The following EIF3B variants were observed in gnomAD, a reference collection of about 807,000 sequenced individuals.
The protein encoded by EIF3B is eukaryotic translation initiation factor 3 subunit B.
In EIF3B, 10 loss-of-function variants were observed where a neutral mutation model predicts 104.6. The ratio of observed to expected loss-of-function variants is 0.10; its 90% CI spans 0.06 to 0.16. The LOEUF is 0.16. Ranked by LOEUF, EIF3B falls within the 10% of genes least tolerant of loss-of-function variation. The pLI, the probability that EIF3B is intolerant of heterozygous loss-of-function variation, is 1.00. For synonymous variants in EIF3B, 542 were observed against 417.2 expected (o/e 1.30, Z -3.65); for missense variants, 1,014 against 1,087.9 (o/e 0.93, Z 0.96).
intron 9 of EIF3B, among the ~76,000 whole-genome samples, chr7:2,369,050 T>A (rs144653711): frequency 5.3e-5 from 8 of 152,346 alleles, no homozygotes; most frequent in Admixed American, 3.9e-4. Context: ...TTCTTGCTCA[T>A]TCCTTACACT....
intron 2 of EIF3B, 28 bp downstream of exon 2, chr7:2,360,930 C>A (rs537953065): frequency 1.9e-6 from 3 of 1,562,294 alleles, no homozygotes; most frequent in Non-Finnish European, 2.6e-6. Context: ...GGAGAAGTAT[C>A]ATCTGTGTCT....
In EIF3B at chr7:2,371,839, C is replaced by A; in HGVS notation, c.1677C>A (p.Val559=). Reference sequence around the variant, plus strand: ...AGAAACAGGTACCTGTGGATGTGGTCGAGATGAAAGGCAAGTTGTATTTTA... The same window carrying A: ...AGAAACAGGTACCTGTGGATGTGGTAGAGATGAAAGGCAAGTTGTATTTTA... ...MREKQVPVDV[V]EMKETIIAFA... The change falls in exon 11 of 19, where the codon GTC becomes GTA. Residue 559 remains valine, a synonymous_variant. Transcript: ENST00000360876. 2 of 1,613,444 alleles carry A rather than the reference C, an allele frequency of 1.2e-6. No individual in the cohort carries two copies. The highest frequency in any genetic ancestry group is 2.2e-5 in the South Asian group (2 of 91,008).
chr7:2,377,678 G>A (rs1780724745), intron 15 of EIF3B: 1 of 103,906 alleles, frequency 9.6e-6, no homozygotes, highest in African/African-American at 7.6e-5. Context: ...GAGCAGGCGC[G>A]AGCGCTCCTG....
chr7:2,354,782 G>A (rs1390319967), upstream of EIF3B: 10 of 825,830 alleles, frequency 1.2e-5, no homozygotes, highest in Non-Finnish European at 1.5e-5. Context: ...GCGTGGGTGC[G>A]CCCCCCGCCC....
chr7:2,364,737 G>A (rs1779911678), intron 6 of EIF3B, among the ~76,000 whole-genome samples: 1 of 152,186 alleles, frequency 6.6e-6, no homozygotes, highest in Non-Finnish European at 1.5e-5. Context: ...TGAGCCATTT[G>A]GGAGTGAGTT....
At chr7:2,374,300 T>C in intron 12 of EIF3B, 3 of 451,130 alleles carry the variant, frequency 6.6e-6, no homozygotes, top group Middle Eastern at 6.1e-4. Flanking sequence ...AAGATAGTAT[T>C]GTTTTGAAAT....
chr7:2,363,763 G>A lies in EIF3B; in HGVS notation c.999+3G>A, dbSNP rs1195645276. On this transcript the variant is annotated splice_donor_region_variant and intron_variant, in intron 5 of 18. Transcript: ENST00000360876. ...CTGTCTCAATTGAAGAAAGAGCGGTGTGTATTTGCTGCTGCTGGGGGCGGG... is the reference window on the plus strand; with the variant it reads ...CTGTCTCAATTGAAGAAAGAGCGGTATGTATTTGCTGCTGCTGGGGGCGGG... The A allele has an allele frequency of 1.9e-6, 3 of 1,612,592 alleles. No individual in the cohort carries two copies. In the Admixed American group the frequency reaches 5.0e-5, roughly 27 times the overall value.
rs1562470993 is a variant in EIF3B, at chr7:2,355,109, A to AGCCCGAG, written c.189_190insCCCGAGG (p.Ser64ProfsTer37). ...GTGGGGATCGCGGAGGCCGGGCCGG[A>AGCCCGAG]GTCCGAGGTGAGGACCGAGCCGGCG... On this transcript the variant is annotated frameshift_variant, in exon 1 of 19. Coordinates refer to ENST00000360876, the MANE Select transcript of EIF3B (RefSeq NM_001037283.2). LOFTEE classifies it high-confidence loss of function. 77 of 1,363,972 alleles carry AGCCCGAG rather than the reference A, an allele frequency of 5.6e-5. No homozygotes were observed. The highest frequency in any genetic ancestry group is 6.8e-5 in the Non-Finnish European group (72 of 1,064,848). The allele number at this position is 1,363,972 out of a possible 1,614,324, so 84.5% of individuals were successfully genotyped here. A position where few individuals can be genotyped will look rare whatever the true frequency, so the allele number is the denominator to read the frequency against.
chr7:2,368,851 T>G (rs1780167620), intron 9 of EIF3B, among the ~76,000 whole-genome samples: 1 of 152,254 alleles, frequency 6.6e-6, no homozygotes, highest in Non-Finnish European at 1.5e-5. Flanking sequence ...TGACGTTTCT[T>G]CTTTCGTTTT....
At position 2,362,706 on chromosome 7, in the gene EIF3B, G is replaced by A. The variant is rs200489277; in HGVS notation, c.754G>A (p.Gly252Ser). 8.1e-6 allele frequency: 13 copies of A among 1,614,258 alleles called. No individual in the cohort carries two copies. The Admixed American group carries it at 1.2e-4, about 14-fold the overall frequency. Residue 252 changes from glycine (G) to serine (S), a missense_variant, in exon 3 of 19, where the codon GGC (glycine) becomes AGC (serine). By Grantham distance (56) the Gly-to-Ser change is moderately conservative. Transcript: ENST00000360876. The stretch of plus-strand genomic sequence containing the variant: ...TGTGGATGCTGTGAAGAACGCCGAC[G>A]GCTACAAGCTTGACAAGCAGCACAC... ...HAVDAVKNAD[G>S]YKLDKQHTFR...
rs534038897 is a variant in EIF3B, at chr7:2,355,781, T to A, written c.499+361T>A. Among the ~76,000 whole-genome samples the A allele has an allele frequency of 5.9e-5, 9 of 152,124 alleles. No homozygotes were observed. In the South Asian group the frequency reaches 1.9e-3, roughly 32 times the overall value. On this transcript the variant is annotated intron_variant, in intron 1 of 18. Coordinates refer to ENST00000360876, the MANE Select transcript of EIF3B (RefSeq NM_001037283.2). ...GGTACGGCAAAAACCGAAGACCCGG[T>A]GGCAGGTTTGCGGGTCTACGTGTCC...
Position 2,371,934 on chromosome 7 carries a change from G to C in EIF3B, c.1687+85G>C, listed in dbSNP as rs537504345. On this transcript the variant is annotated intron_variant, in intron 11 of 18. Coordinates refer to ENST00000360876, the MANE Select transcript of EIF3B (RefSeq NM_001037283.2). ...CTTTAACACTTCCATGCGAGGGGTTGTCTGAGCAGCTGAGTCAGGACTGTG... is the reference window on the plus strand; with the variant it reads ...CTTTAACACTTCCATGCGAGGGGTTCTCTGAGCAGCTGAGTCAGGACTGTG... 3.7e-5 allele frequency: 41 copies of C among 1,105,250 alleles called. No homozygotes were observed. The African/African-American group carries it at 4.9e-4, about 13-fold the overall frequency. The allele number at this position is 1,105,250 out of a possible 1,614,324, so 68.5% of individuals were successfully genotyped here.
At chr7:2,363,608 A>G (rs781779213) in intron 4 of EIF3B, 24 bp from the exon 5 acceptor site, 10 of 1,586,466 alleles carry the variant, frequency 6.3e-6, no homozygotes, top group South Asian at 5.8e-5. Context: ...ATGAAATGTT[A>G]TATTCCTTGT....
rs576256095 is a variant in EIF3B at position 2,366,257 on chromosome 7, G to A, written c.1158-60G>A. 5.9e-6 allele frequency: 9 copies of A among 1,514,310 alleles called. No homozygotes were observed. The African/African-American group carries it at 1.1e-4, about 19-fold the overall frequency. The allele number at this position is 1,514,310 out of a possible 1,614,324, so 93.8% of individuals were successfully genotyped here. On this transcript the variant is annotated intron_variant, in intron 6 of 18. Transcript: ENST00000360876. ...TCTGACGGCGTGTTCTGGCCGCACAGACAGACTGTGATCCTCTCGTGAGAG... is the reference window on the plus strand; with the variant it reads ...TCTGACGGCGTGTTCTGGCCGCACAAACAGACTGTGATCCTCTCGTGAGAG...
chr7:2,364,708 C>G (rs1437294695), intron 6 of EIF3B, among the ~76,000 whole-genome samples, 179 bp downstream of exon 6: 1 of 152,168 alleles, frequency 6.6e-6, no homozygotes, highest in Non-Finnish European at 1.5e-5. Flanking sequence ...TCATCATCTC[C>G]TATACAGATA....
In EIF3B at chr7:2,369,696, C is replaced by A. The variant is rs1780214386; in HGVS notation, c.1614+14C>A. The A allele has an allele frequency of 1.2e-6, 2 of 1,611,672 alleles. No homozygotes were observed. The highest frequency in any genetic ancestry group is 1.7e-6 in the Non-Finnish European group (2 of 1,178,698). On this transcript the variant is annotated intron_variant, in intron 10 of 18. Transcript: ENST00000360876. ...AAAGGCACCCAGGTATGTAGATTCCCACAGGAACTGACGATTCCTTATCCT... is the reference window on the plus strand; with the variant it reads ...AAAGGCACCCAGGTATGTAGATTCCAACAGGAACTGACGATTCCTTATCCT...
chr7:2,354,936 G>T lies in EIF3B; in HGVS notation c.15G>T (p.Glu5Asp). MQDA[E>D]NVAVPEAAEE... The stretch of plus-strand genomic sequence containing the variant: ...GCGTTGGGCCCATGCAGGACGCGGA[G>T]AACGTGGCGGTGCCCGAGGCGGCCG... Residue 5 changes from glutamate (E) to aspartate (D), a missense_variant, in exon 1 of 19, where the codon GAG becomes GAT. Physicochemically the swap from Glu to Asp is conservative, Grantham distance 45. Around this residue, in one of 4 missense-constraint regions of EIF3B, gnomAD observed 488 missense variants for 404.3 expected, o/e 1.21. Transcript: ENST00000360876. The T allele has an allele frequency of 8.1e-7, 1 of 1,229,636 alleles. No homozygotes were observed. Among genetic ancestry groups the T allele is most frequent in the South Asian group, 2.2e-5 (1 of 46,088 alleles). 76.2% of individuals were successfully genotyped at this position (1,229,636 alleles called of 1,614,324 possible). A position where few individuals can be genotyped will look rare whatever the true frequency, so the allele number is the denominator to read the frequency against.
chr7:2,367,091 TAACACAATACCAAAAAAAAAAAAAAA>T (rs1780062960), intron 9 of EIF3B, 46 bp downstream of exon 9: 8 of 1,356,966 alleles, frequency 5.9e-6, no homozygotes, highest in African/African-American at 5.1e-5. Flanking sequence ...TCAGGCTGCT[TAACACAATACCAAAAAAAAAAAAAAA>T]AACACAATAC....
In EIF3B at chr7:2,366,028, A is replaced by G. The variant is rs374005701; in HGVS notation, c.1158-289A>G. Among the ~76,000 whole-genome samples the G allele has an allele frequency of 1.6e-4, 25 of 152,248 alleles. 1 individual carries two copies. The highest frequency in any genetic ancestry group is 5.8e-4 in the African/African-American group (24 of 41,530). ...TAGTCTTTATTAAACATGGGTAAAG[A>G]TAGAGTTCCACACTGCGCCACCCTC... On this transcript the variant is annotated intron_variant, in intron 6 of 18. Coordinates refer to ENST00000360876, the MANE Select transcript of EIF3B (RefSeq NM_001037283.2).
Sources: allele counts gnomAD v4.1 joint callset (sites outside exome capture counted in the v4.1 genomes callset), GRCh38; gene constraint gnomAD v4.1.1; regional missense constraint gnomAD v4.1.1; transcripts MANE v1.5; gene names NCBI Gene and HGNC (gene_info 2026-07-23, HGNC 2026-07-21).